The following SVIL variants were observed in gnomAD, a reference collection of about 807,000 sequenced individuals.
SVIL encodes supervillin.
In SVIL, 101 loss-of-function variants were observed where a neutral mutation model predicts 240.4. The observed-to-expected ratio is 0.42, with a 90% CI of 0.36 to 0.50. The LOEUF is 0.50. Ranked by LOEUF, SVIL falls within the 20% of genes least tolerant of loss-of-function variation. The pLI, the probability that SVIL is intolerant of heterozygous loss-of-function variation, is 0.01. For synonymous variants in SVIL, 999 were observed against 1,100.0 expected (o/e 0.91, Z 1.82); for missense variants, 2,512 against 2,818.7 (o/e 0.89, Z 2.46).
intron 1 of SVIL, among the ~76,000 whole-genome samples, chr10:29,591,017 C>A (rs772422347): frequency 1.3e-5 from 2 of 152,216 alleles, no homozygotes; most frequent in Non-Finnish European, 2.9e-5. Context: ...TTCATTCATC[C>A]ACTGAACAAA....
Position 29,627,176 on chromosome 10 carries a change from ATCT to A in SVIL, c.-201+7241_-201+7243del, listed in dbSNP as rs575550496. Reference sequence around the variant, plus strand: ...ACAGTGAGAGGACTTTTTAAAAAAGATCTTCTTTCTCAACACATTTCTAATTTG... The same window carrying A: ...ACAGTGAGAGGACTTTTTAAAAAAGATCTTTCTCAACACATTTCTAATTTG... On this transcript the variant is annotated intron_variant, in intron 1 of 37. Coordinates refer to ENST00000355867, the MANE Select transcript of SVIL (RefSeq NM_021738.3). Among the ~76,000 whole-genome samples, 11 of 152,314 alleles carry A rather than the reference ATCT, an allele frequency of 7.2e-5. No individual in the cohort carries two copies. The South Asian group carries it at 1.7e-3, about 23-fold the overall frequency.
chr10:29,699,298 T>C (rs1461479403), intron 1 of SVIL, among the ~76,000 whole-genome samples: 1 of 152,034 alleles, frequency 6.6e-6, no homozygotes, highest in Admixed American at 6.6e-5. Flanking sequence ...CCACCTCTTT[T>C]TGTTTGCTTG....
intron 1 of SVIL, among the ~76,000 whole-genome samples, chr10:29,698,915 C>A (rs1301535035): frequency 6.6e-6 from 1 of 152,136 alleles, no homozygotes; most frequent in Non-Finnish European, 1.5e-5. Context: ...AATCTCCCTC[C>A]GGCTGTGACT....
chr10:29,720,807 A>C (rs1379903410), intron 1 of SVIL, among the ~76,000 whole-genome samples: 1 of 152,246 alleles, frequency 6.6e-6, no homozygotes, highest in African/African-American at 2.4e-5. Context: ...ATATCACTTA[A>C]AGGTAGACTA....
chr10:29,519,925 T>C lies in SVIL; in HGVS notation c.3389+2485A>G, dbSNP rs116454074. 7.6e-3 allele frequency among the ~76,000 whole-genome samples: 1,153 copies of C among 152,330 alleles called. 14 individuals are homozygous for C. Among genetic ancestry groups the C allele is most frequent in the African/African-American group, 0.027 (1,113 of 41,566 alleles). The stretch of plus-strand genomic sequence containing the variant: ...TTCACAGAAACTTTACAGCCATCCT[T>C]GAACGCCTTACATGTCCACAAAGCC... On this transcript the variant is annotated intron_variant, in intron 16 of 37. Coordinates refer to ENST00000355867, the MANE Select transcript of SVIL (RefSeq NM_021738.3).
chr10:29,689,279 TTTTC>T (rs1471192472), intron 1 of SVIL, among the ~76,000 whole-genome samples: 3 of 152,026 alleles, frequency 2.0e-5, no homozygotes, highest in Admixed American at 6.6e-5. Flanking sequence ...CATGAGTCTC[TTTTC>T]TTTGTTTTCT....
chr10:29,484,899 G>T lies in SVIL; in HGVS notation c.4780-68C>A. On this transcript the variant is annotated intron_variant, in intron 26 of 37. Coordinates refer to ENST00000355867, the MANE Select transcript of SVIL (RefSeq NM_021738.3). This position sits in a 1 kb window ranked among gnomAD's most constrained non-coding sequence, Gnocchi z 4.7. ...TGCAACAGTTGAATCAGGTGCAACA[G>T]GGTCTCTTGTTGACAGTGAGTCAAA... 6.7e-7 allele frequency: 1 copy of T among 1,488,868 alleles called. No homozygotes were observed. Among genetic ancestry groups the T allele is most frequent in the Non-Finnish European group, 9.1e-7 (1 of 1,098,728 alleles). 92.2% of individuals were successfully genotyped at this position (1,488,868 alleles called of 1,614,324 possible).
chr10:29,460,075 A>C (rs1258539238), intron 36 of SVIL, among the ~76,000 whole-genome samples: 1 of 152,012 alleles, frequency 6.6e-6, no homozygotes, highest in East Asian at 1.9e-4. Flanking sequence ...CTGGGTGACA[A>C]AGCAAGATCC....
At chr10:29,606,709 AAAT>A (rs1235267459) in intron 1 of SVIL, among the ~76,000 whole-genome samples, 1 of 152,158 alleles carries the variant, frequency 6.6e-6, no homozygotes, top group African/African-American at 2.4e-5. Context: ...TGGTTTTTCC[AAAT>A]AATAATGCAT....
At chr10:29,597,251 G>T (rs988935562) in intron 1 of SVIL, among the ~76,000 whole-genome samples, 2 of 152,168 alleles carry the variant, frequency 1.3e-5, no homozygotes, top group Non-Finnish European at 1.5e-5. Flanking sequence ...CACTTCCAAA[G>T]GGGAAAGAGG....
chr10:29,483,009 C>T (rs767326977), intron 27 of SVIL: 1 of 152,166 alleles, frequency 6.6e-6, no homozygotes, highest in Non-Finnish European at 1.5e-5. Flanking sequence ...AGAAAGCTGC[C>T]GGATAAATCA....
chr10:29,506,725 AC>A (rs1190554770), intron 17 of SVIL, among the ~76,000 whole-genome samples: 42 of 93,018 alleles, frequency 4.5e-4, no homozygotes, highest in South Asian at 4.1e-3. Flanking sequence ...TAGAGACTCT[AC>A]GAAGGAGGGG....
At chr10:29,679,251 C>T (rs1330762548) in intron 2 of SVIL, among the ~76,000 whole-genome samples, 1 of 152,106 alleles carries the variant, frequency 6.6e-6, no homozygotes, top group East Asian at 1.9e-4. Context: ...TTTAGAGCTG[C>T]TTGTAGGCAA....
At chr10:29,485,309 C>T (rs1290114494) in intron 26 of SVIL, among the ~76,000 whole-genome samples, 5 of 151,976 alleles carry the variant, frequency 3.3e-5, no homozygotes, top group Non-Finnish European at 5.9e-5. Flanking sequence ...CATGGTGATA[C>T]ATACAGGAGG....
chr10:29,477,644 G>A (rs186622527), intron 29 of SVIL, among the ~76,000 whole-genome samples: 466 of 152,356 alleles, frequency 3.1e-3, no homozygotes, highest in African/African-American at 0.011. Context: ...CAGAGCTTCC[G>A]CGTTGGTTAC....
At chr10:29,663,324 T>C (rs373312601) in intron 2 of SVIL, among the ~76,000 whole-genome samples, 1 of 152,200 alleles carries the variant, frequency 6.6e-6, no homozygotes, top group Admixed American at 6.5e-5. Context: ...GAAGAACATA[T>C]TAGATTTGAT....
intron 3 of SVIL, among the ~76,000 whole-genome samples, chr10:29,647,735 T>G (rs1198753238): frequency 6.6e-6 from 1 of 152,116 alleles, no homozygotes; most frequent in Non-Finnish European, 1.5e-5. Flanking sequence ...TTTCCTGTTC[T>G]GTGGTAAATT....
intron 29 of SVIL, 22 bp downstream of exon 29, chr10:29,480,515 A>G (rs752040465): frequency 4.4e-6 from 7 of 1,607,102 alleles, no homozygotes; most frequent in Middle Eastern, 2.2e-4. Flanking sequence ...TCAGCTGGAA[A>G]AAACCACAAG....
intron 1 of SVIL, among the ~76,000 whole-genome samples, chr10:29,716,762 A>G (rs1963635537): frequency 6.6e-6 from 1 of 152,264 alleles, no homozygotes; most frequent in Non-Finnish European, 1.5e-5. Flanking sequence ...GAAGCAGTTT[A>G]TGGAACTGCT....
Sources: allele counts gnomAD v4.1 joint callset (sites outside exome capture counted in the v4.1 genomes callset), GRCh38; gene constraint gnomAD v4.1.1; non-coding constraint Gnocchi (gnomAD v3.1); transcripts MANE v1.5; gene names NCBI Gene and HGNC (gene_info 2026-07-23, HGNC 2026-07-21).